Variants in FMO5 observed in about 807,000 individuals in gnomAD.
FMO5 encodes flavin-containing monooxygenase 5.
Under a neutral mutation model 43.6 loss-of-function variants are expected in FMO5, and 51 were observed. The ratio of observed to expected loss-of-function variants is 1.17; its 90% CI spans 0.93 to 1.48. The LOEUF (loss-of-function observed/expected upper bound fraction) is 1.48, where lower values mean the gene tolerates loss of function less well. Among genes scored for constraint, FMO5 ranks in the 40% most tolerant of loss-of-function variants. FMO5 has a pLI of 0.00. For synonymous variants in FMO5, 187 were observed against 216.5 expected (o/e 0.86, Z 1.20); for missense variants, 644 against 643.0 (o/e 1.00, Z -0.02).
In FMO5 at chr1:147,187,056, AT is replaced by A; in HGVS notation, c.1445del (p.Asp482ValfsTer18). The A allele has an allele frequency of 6.2e-7, 1 of 1,614,112 alleles. No individual in the cohort carries two copies. The highest frequency in any genetic ancestry group is 1.1e-5 in the South Asian group (1 of 91,080). ...HYRVQGPGKW[D>X]GARKAILTTD... is the part of the protein sequence containing the mutation. ...TGGTGAGGATAGCTTTTCGAGCCCCATCCCACTTTCCAGGGCCCTGTACACG... is the reference window on the plus strand; with the variant it reads ...TGGTGAGGATAGCTTTTCGAGCCCCACCCACTTTCCAGGGCCCTGTACACG... On this transcript the variant is annotated frameshift_variant, in exon 9 of 9. Transcript: ENST00000254090. LOFTEE classifies it low-confidence loss of function (END_TRUNC).
intron 6 of FMO5, chr1:147,208,631 G>T: frequency 2.5e-6 from 1 of 400,708 alleles, no homozygotes; most frequent in South Asian, 2.3e-5. Flanking sequence ...TAGAGATGGG[G>T]TTTCACCGTG....
At chr1:147,201,821 T>G (rs879988036) in intron 6 of FMO5, among the ~76,000 whole-genome samples, 1 of 152,196 alleles carries the variant, frequency 6.6e-6, no homozygotes, top group Non-Finnish European at 1.5e-5. Context: ...GTCAATAGTT[T>G]GTATTCTCAT....
chr1:147,223,460 T>C (rs1410906085), intron 2 of FMO5: 1 of 152,246 alleles, frequency 6.6e-6, no homozygotes, highest in East Asian at 1.9e-4. Context: ...TTATGAAATA[T>C]GAAACGTAAA....
At position 147,186,858 on chromosome 1, in the gene FMO5, A is replaced by G. The variant is rs781906757; in HGVS notation, c.*42T>C. The G allele has an allele frequency of 3.2e-6, 5 of 1,575,088 alleles. No individual in the cohort carries two copies. In the Admixed American group the frequency reaches 7.1e-5, roughly 22 times the overall value. On this transcript the variant is annotated 3_prime_UTR_variant, in exon 9 of 9. Transcript: ENST00000254090. ...CGTCAGATTCTGAAGGCATCTGTAG[A>G]TAAGCTTCCCAATGAAAAACAGGGC...
At chr1:147,205,256 T>C (rs7527894) in intron 6 of FMO5, among the ~76,000 whole-genome samples, 56,665 of 151,972 alleles carry the variant, frequency 0.37, 10,994 homozygotes, top group African/African-American at 0.5. Flanking sequence ...GAAACACAGT[T>C]TCCAAATGTC....
At chr1:147,197,001 T>G (rs1221392717) in intron 7 of FMO5, among the ~76,000 whole-genome samples, 1 of 152,164 alleles carries the variant, frequency 6.6e-6, no homozygotes, top group Non-Finnish European at 1.5e-5. Context: ...CTAACATATC[T>G]TCTAAACTGG....
chr1:147,184,440 G>A (rs1655444606), downstream of FMO5: 1 of 1,388,388 alleles, frequency 7.2e-7, no homozygotes, highest in Non-Finnish European at 9.4e-7. The surrounding 1 kb of genome is among the most constrained non-coding windows in gnomAD (Gnocchi z 4.4). Context: ...TTTACTTAAA[G>A]TTCTTTTTCT....
At chr1:147,199,348 T>C (rs587725576) in intron 7 of FMO5, among the ~76,000 whole-genome samples, 1 of 152,244 alleles carries the variant, frequency 6.6e-6, no homozygotes, top group South Asian at 2.1e-4. Context: ...ATGGACAGAA[T>C]AAAAAACCCA....
intron 2 of FMO5, among the ~76,000 whole-genome samples, chr1:147,222,173 T>C (rs1220197785): frequency 6.6e-6 from 1 of 152,100 alleles, no homozygotes; most frequent in African/African-American, 2.4e-5. Context: ...AGTTCGAGAA[T>C]AGCCTGGCCA....
chr1:147,184,847 A>G (rs72708555), downstream of FMO5, among the ~76,000 whole-genome samples: 5,603 of 152,182 alleles, frequency 0.037, 148 homozygotes, highest in South Asian at 0.095. The surrounding 1 kb of genome is among the most constrained non-coding windows in gnomAD (Gnocchi z 4.4). Flanking sequence ...AGCTCACACT[A>G]GAGAAGTAGG....
At chr1:147,205,399 A>T (rs1287782211) in intron 6 of FMO5, among the ~76,000 whole-genome samples, 2 of 152,202 alleles carry the variant, frequency 1.3e-5, no homozygotes, top group African/African-American at 4.8e-5. Flanking sequence ...GTGGTTCTTG[A>T]TGTGACCCAC....
chr1:147,188,186 T>C (rs6659191), intron 8 of FMO5, among the ~76,000 whole-genome samples: 5,595 of 152,228 alleles, frequency 0.037, 145 homozygotes, highest in South Asian at 0.095. Flanking sequence ...CAAGAGTTTG[T>C]AGACATGCAT....
rs782390826 is a variant in FMO5, at chr1:147,209,011, C to T, written c.671G>A (p.Arg224His). ...AGCAGGATATCCGTAGTCCCCTACACGATTCAGGATCCAAGCCCCTCTCCT... is the reference window on the plus strand; with the variant it reads ...AGCAGGATATCCGTAGTCCCCTACATGATTCAGGATCCAAGCCCCTCTCCT... ...STRRGAWILN[R>H]VGDYGYPADV... The change falls in exon 6 of 9, where the codon CGT (arginine) becomes CAT (histidine). Residue 224 changes from arginine (R) to histidine (H), a missense_variant. Coordinates refer to ENST00000254090, the MANE Select transcript of FMO5 (RefSeq NM_001461.4). 4 of 1,614,166 alleles carry T rather than the reference C, an allele frequency of 2.5e-6. 1 individual carries two copies. Among genetic ancestry groups the T allele is most frequent in the South Asian group, 2.2e-5 (2 of 91,088 alleles).
chr1:147,224,600 C>G (rs1193846955), intron 2 of FMO5, among the ~76,000 whole-genome samples: 1 of 152,058 alleles, frequency 6.6e-6, no homozygotes, highest in African/African-American at 2.4e-5. Flanking sequence ...AGCTCTGCCT[C>G]CCAAGTTCAC....
At chr1:147,222,840 T>C (rs1553926589) in intron 2 of FMO5, among the ~76,000 whole-genome samples, 1 of 152,198 alleles carries the variant, frequency 6.6e-6, no homozygotes, top group South Asian at 2.1e-4. Context: ...GACAAGATGA[T>C]GGATGCCCTC....
rs2101996409 is a variant in FMO5, at chr1:147,215,660, CA to C, written c.324+93del. The C allele has an allele frequency of 8.8e-6, 8 of 907,458 alleles. No individual in the cohort carries two copies. The South Asian group carries it at 1.4e-4, about 16-fold the overall frequency. 56.2% of individuals were successfully genotyped at this position (907,458 alleles called of 1,614,324 possible). A position where few individuals can be genotyped will look rare whatever the true frequency, so the allele number is the denominator to read the frequency against. On this transcript the variant is annotated intron_variant, in intron 3 of 8. Transcript: ENST00000254090. ...GGATAAATACATGTGCAAATCAAGCCAATCTTTAGAAGTAAACATTGGTAAC... is the reference window on the plus strand; with the variant it reads ...GGATAAATACATGTGCAAATCAAGCCATCTTTAGAAGTAAACATTGGTAAC...
At chr1:147,201,051 T>G (rs1658876858) in intron 7 of FMO5, 101 bp downstream of exon 7, 1 of 829,556 alleles carries the variant, frequency 1.2e-6, no homozygotes, top group African/African-American at 1.7e-5. Flanking sequence ...TAGGCACTGT[T>G]GTAATCATAC....
chr1:147,222,474 G>A (rs1553926492), intron 2 of FMO5, among the ~76,000 whole-genome samples: 3 of 152,122 alleles, frequency 2.0e-5, no homozygotes, highest in African/African-American at 7.2e-5. Context: ...TAAATGGGAG[G>A]AATGAGGACA....
chr1:147,213,550 A>C, intron 3 of FMO5, 80 bp from the exon 4 acceptor site: 10 of 1,250,402 alleles, frequency 8.0e-6, no homozygotes, highest in South Asian at 1.7e-5. Context: ...GGCTGATATC[A>C]CAGACACTAT....
Sources: allele counts gnomAD v4.1 joint callset (sites outside exome capture counted in the v4.1 genomes callset), GRCh38; gene constraint gnomAD v4.1.1; non-coding constraint Gnocchi (gnomAD v3.1); transcripts MANE v1.5; gene names NCBI Gene and HGNC (gene_info 2026-07-23, HGNC 2026-07-21).